Variants in SAMD12 observed in about 807,000 individuals in gnomAD.
The protein encoded by SAMD12 is sterile alpha motif domain containing 12.
In SAMD12, 9 loss-of-function variants were observed where a neutral mutation model predicts 15.0. That is an observed-to-expected ratio of 0.60 (90% CI 0.36 to 1.05). The LOEUF (loss-of-function observed/expected upper bound fraction) is 1.05, where lower values mean the gene tolerates loss of function less well. Among genes scored for constraint, SAMD12 ranks in the 50% least tolerant of loss-of-function variants. SAMD12 has a pLI of 0.01. For synonymous variants in SAMD12, 86 were observed against 90.1 expected, an observed-to-expected ratio of 0.96 and a Z score of 0.25; for missense variants, 230 against 234.2, an observed-to-expected ratio of 0.98 and a Z score of 0.12.
At chr8:118,155,913 T>A in the SAMD12 span, among the ~76,000 whole-genome samples, 1 of 152,254 alleles carries the variant, frequency 6.6e-6, no homozygotes, top group African/African-American at 2.4e-5. Flanking sequence ...CCTAGCTCAG[T>A]GAAATTAAGT....
At chr8:118,255,149 A>T (rs1812906200) in intron 4 of SAMD12, among the ~76,000 whole-genome samples, 1 of 152,016 alleles carries the variant, frequency 6.6e-6, no homozygotes, top group Non-Finnish European at 1.5e-5. Flanking sequence ...CTACAGAAGG[A>T]GGGAAAAATC....
chr8:118,514,788 A>G (rs1249978508), intron 2 of SAMD12, among the ~76,000 whole-genome samples: 1 of 152,256 alleles, frequency 6.6e-6, no homozygotes, highest in Non-Finnish European at 1.5e-5. Flanking sequence ...TTAGTAAAAT[A>G]GTCTTTTTGT....
the SAMD12 span, among the ~76,000 whole-genome samples, chr8:118,136,962 A>G: frequency 6.6e-6 from 1 of 152,212 alleles, no homozygotes; most frequent in Non-Finnish European, 1.5e-5. Flanking sequence ...TTTGACTGCT[A>G]GTTGTCCAGG....
chr8:118,188,711 A>G (rs546306977), downstream of SAMD12, among the ~76,000 whole-genome samples: 2 of 152,226 alleles, frequency 1.3e-5, no homozygotes, highest in African/African-American at 4.8e-5. Flanking sequence ...AAAGGTGAAA[A>G]TGGTAGTTTA....
chr8:118,550,543 A>C (rs1826294379), intron 2 of SAMD12, among the ~76,000 whole-genome samples: 1 of 152,228 alleles, frequency 6.6e-6, no homozygotes, highest in African/African-American at 2.4e-5. Flanking sequence ...AAACATGGAA[A>C]GGAACAACCG....
chr8:118,166,420 G>C, the SAMD12 span, among the ~76,000 whole-genome samples: 1 of 151,966 alleles, frequency 6.6e-6, no homozygotes, highest in African/African-American at 2.4e-5. Flanking sequence ...GCTTTTTGTG[G>C]CTCTGTAAAA....
chr8:118,339,929 C>T (rs1239772387), intron 4 of SAMD12, among the ~76,000 whole-genome samples: 3 of 152,326 alleles, frequency 2.0e-5, no homozygotes, highest in East Asian at 1.9e-4. Flanking sequence ...GCTACCCAGG[C>T]GGCATGACCG....
chr8:118,516,483 C>T (rs779912246), intron 2 of SAMD12, among the ~76,000 whole-genome samples: 4 of 152,168 alleles, frequency 2.6e-5, no homozygotes, highest in Non-Finnish European at 5.9e-5. Flanking sequence ...ATCCTGGGTA[C>T]AGCAGGGCAG....
intron 3 of SAMD12, among the ~76,000 whole-genome samples, chr8:118,395,800 T>C (rs1206085932): frequency 1.3e-5 from 2 of 151,642 alleles, no homozygotes; most frequent in Non-Finnish European, 2.9e-5. Flanking sequence ...CTACTAAAAA[T>C]ACAAAAAATT....
intron 1 of SAMD12, among the ~76,000 whole-genome samples, chr8:118,617,248 G>C (rs944452379): frequency 2.6e-5 from 4 of 152,232 alleles, no homozygotes; most frequent in African/African-American, 4.8e-5. Context: ...CATTTATGGG[G>C]CTGCAAAGCC....
At chr8:118,279,185 A>C (rs1249878927) in intron 4 of SAMD12, among the ~76,000 whole-genome samples, 1 of 152,214 alleles carries the variant, frequency 6.6e-6, no homozygotes, top group Non-Finnish European at 1.5e-5. Flanking sequence ...CCAAGTGGTC[A>C]AAAAGCTCAA....
intron 2 of SAMD12, among the ~76,000 whole-genome samples, chr8:118,534,771 C>G (rs535163383): frequency 1.3e-5 from 2 of 152,156 alleles, no homozygotes; most frequent in African/African-American, 2.4e-5. Flanking sequence ...ATGTAGTTCT[C>G]GTGCCATGGT....
the SAMD12 span, among the ~76,000 whole-genome samples, chr8:118,156,720 A>G: frequency 6.6e-6 from 1 of 152,228 alleles, no homozygotes; most frequent in East Asian, 1.9e-4. Context: ...AAAAGGGAGA[A>G]AAAGCATACA....
chr8:118,152,644 G>A, the SAMD12 span, among the ~76,000 whole-genome samples: 6 of 152,042 alleles, frequency 3.9e-5, no homozygotes, highest in South Asian at 4.2e-4. Flanking sequence ...GACTACAGGC[G>A]TGCACCACCA....
At position 118,543,174 on chromosome 8, in the gene SAMD12, CG is replaced by C. The variant is rs138967518; in HGVS notation, c.192+37540del. On this transcript the variant is annotated intron_variant, in intron 2 of 3. Coordinates refer to ENST00000314727, the MANE Select transcript of SAMD12 (RefSeq NM_207506.3). ...ATCGACCCTTGAAAGGTCTGTTCCACGCCCAGGGTCCTGCAGACTTGCTGAC... is the reference window on the plus strand; with the variant it reads ...ATCGACCCTTGAAAGGTCTGTTCCACCCCAGGGTCCTGCAGACTTGCTGAC... Among the ~76,000 whole-genome samples the C allele has an allele frequency of 3.1e-3, 479 of 152,316 alleles. 3 individuals are homozygous for C. Among genetic ancestry groups the C allele is most frequent in the African/African-American group, 0.011 (459 of 41,566 alleles).
chr8:118,377,015 T>C (rs961272447), downstream of SAMD12, among the ~76,000 whole-genome samples: 2 of 152,128 alleles, frequency 1.3e-5, no homozygotes, highest in East Asian at 1.9e-4. Context: ...AAACAACTTA[T>C]CAATTTTGTT....
the SAMD12 span, among the ~76,000 whole-genome samples, chr8:118,150,273 C>T: frequency 1.3e-5 from 2 of 152,166 alleles, no homozygotes; most frequent in African/African-American, 4.8e-5. Context: ...ATTATTTCAC[C>T]TGTAGTATAA....
intron 4 of SAMD12, among the ~76,000 whole-genome samples, chr8:118,310,547 T>A (rs1477281722): frequency 2.0e-5 from 3 of 152,220 alleles, no homozygotes; most frequent in Non-Finnish European, 4.4e-5. Context: ...TACATGGGTA[T>A]CCAGAGGCAG....
chr8:118,322,572 G>A (rs944656298), intron 4 of SAMD12, among the ~76,000 whole-genome samples: 2 of 152,306 alleles, frequency 1.3e-5, no homozygotes, highest in East Asian at 1.9e-4. Flanking sequence ...TTTTCTTCAT[G>A]TACTAAAAAG....
Sources: gnomAD v4.1 joint callset for allele counts (sites outside exome capture counted in the v4.1 genomes callset) on GRCh38, gnomAD v4.1.1 for gene constraint, MANE v1.5 for transcripts, NCBI Gene and HGNC (gene_info 2026-07-23, HGNC 2026-07-21) for gene names.